Variants in BAZ1A observed in about 807,000 individuals in gnomAD.
BAZ1A encodes the protein bromodomain adjacent to zinc finger domain protein 1A.
BAZ1A carries 50 observed loss-of-function variants against 185.2 expected under a neutral mutation model. The observed-to-expected ratio is 0.27, with a 90% CI of 0.22 to 0.34. The LOEUF (loss-of-function observed/expected upper bound fraction) is 0.34. Ranked by LOEUF, BAZ1A falls within the 10% of genes least tolerant of loss-of-function variation. BAZ1A has a pLI of 1.00. For missense variants in BAZ1A, 1,356 were observed against 1,839.9 expected, an observed-to-expected ratio of 0.74 and a Z score of 4.81; for synonymous variants, 571 against 615.6, an observed-to-expected ratio of 0.93 and a Z score of 1.07.
chr14:34,798,493 G>T (rs1056774728), intron 9 of BAZ1A, among the ~76,000 whole-genome samples: 4 of 152,228 alleles, frequency 2.6e-5, no homozygotes, highest in Non-Finnish European at 5.9e-5. Flanking sequence ...GGATAAGGCA[G>T]CAATATGTGC....
At chr14:34,771,728 T>C in intron 20 of BAZ1A, 69 bp from the exon 21 acceptor site, 2 of 1,424,900 alleles carry the variant, frequency 1.4e-6, no homozygotes, top group Non-Finnish European at 1.9e-6. Context: ...AGTCCATTCA[T>C]TGGTTCAAAT....
intron 3 of BAZ1A, among the ~76,000 whole-genome samples, chr14:34,847,815 T>C (rs1483997649): frequency 6.6e-6 from 1 of 152,198 alleles, no homozygotes; most frequent in Non-Finnish European, 1.5e-5. Flanking sequence ...TTAATTCTAA[T>C]ATACCCTGAG....
chr14:34,803,927 T>A (rs1881714398), intron 6 of BAZ1A, among the ~76,000 whole-genome samples: 1 of 152,234 alleles, frequency 6.6e-6, no homozygotes. Context: ...GGTTCTAGAA[T>A]AATTATTAAA....
intron 14 of BAZ1A, among the ~76,000 whole-genome samples, chr14:34,784,357 G>A (rs1393181152): frequency 9.0e-5 from 7 of 78,084 alleles, no homozygotes; most frequent in African/African-American, 1.8e-4. Flanking sequence ...AACTGAGTGA[G>A]ACTCTGTCTC....
At chr14:34,813,274 C>T (rs1284011629) in intron 4 of BAZ1A, among the ~76,000 whole-genome samples, 1 of 152,182 alleles carries the variant, frequency 6.6e-6, no homozygotes, top group Admixed American at 6.5e-5. Flanking sequence ...TGTGTGTGGT[C>T]CCAGCTACTT....
intron 4 of BAZ1A, among the ~76,000 whole-genome samples, chr14:34,814,923 G>A (rs1290232515): frequency 1.3e-5 from 2 of 151,702 alleles, no homozygotes; most frequent in African/African-American, 4.8e-5. Flanking sequence ...ACAGGTGCCC[G>A]CCACCACACC....
intron 3 of BAZ1A, chr14:34,845,263 T>C (rs1295516997): frequency 7.1e-6 from 1 of 141,086 alleles, no homozygotes; most frequent in East Asian, 2.0e-4. Flanking sequence ...CTCTTAATTC[T>C]TCAACTTTTT....
chr14:34,764,885 G>A lies in BAZ1A; in HGVS notation c.3598C>T (p.Arg1200Cys), dbSNP rs1469155751. ...WFCPECRPKQ[R>C]SRRLSSRQRP... is the part of the protein sequence containing the mutation. ...TGTCTAGAGGAGAGTCTTCTAGAACGTTGCTTTGGTCGACATTCTGGACAA... is the reference window on the plus strand; with the variant it reads ...TGTCTAGAGGAGAGTCTTCTAGAACATTGCTTTGGTCGACATTCTGGACAA... The change falls in exon 23 of 27, where the codon CGT becomes TGT. Residue 1200 changes from arginine to cysteine, a missense_variant. Transcript: ENST00000360310. 8 of 1,614,058 alleles carry A rather than the reference G, an allele frequency of 5.0e-6. No homozygotes were observed. The highest frequency in any genetic ancestry group is 5.9e-6 in the Non-Finnish European group (7 of 1,180,018).
chr14:34,764,478 G>T (rs1179561823), intron 23 of BAZ1A, among the ~76,000 whole-genome samples: 2 of 151,786 alleles, frequency 1.3e-5, no homozygotes, highest in Admixed American at 1.3e-4. Flanking sequence ...TTTTAGTAGA[G>T]ACGGGGTTTC....
chr14:34,860,703 T>A (rs895203094), intron 3 of BAZ1A, among the ~76,000 whole-genome samples: 6 of 151,756 alleles, frequency 4.0e-5, no homozygotes, highest in Non-Finnish European at 2.9e-5. Flanking sequence ...GGACAGGAGT[T>A]CAAGACCAGC....
At chr14:34,832,215 C>CACACACACACATAT in intron 3 of BAZ1A, among the ~76,000 whole-genome samples, 7 of 89,668 alleles carry the variant, frequency 7.8e-5, no homozygotes, top group African/African-American at 2.6e-4. Context: ...CACACACACA[C>CACACACACACATAT]ATATATATAT....
At position 34,874,325 on chromosome 14, in the gene BAZ1A, T is replaced by G; in HGVS notation, c.113+167A>C. 1.7e-6 allele frequency: 1 copy of G among 603,516 alleles called. No homozygotes were observed. The highest frequency in any genetic ancestry group is 2.8e-6 in the Non-Finnish European group (1 of 354,148). The allele number at this position is 603,516 out of a possible 1,614,324, so 37.4% of individuals were successfully genotyped here. ...CGCCGCCGCCAGTTGGCCCCGCGCG[T>G]TCTCCAGGTGGAGGCCAGGAGGCAG... is the stretch of plus-strand genomic sequence containing the variant. On this transcript the variant is annotated intron_variant, in intron 2 of 26. Transcript: ENST00000360310. The surrounding 1 kb of genome is among the most constrained non-coding windows in gnomAD (Gnocchi z 4.7).
At chr14:34,832,215 C>CATATATATAT (rs796421959) in intron 3 of BAZ1A, among the ~76,000 whole-genome samples, 41 of 89,610 alleles carry the variant, frequency 4.6e-4, no homozygotes, top group East Asian at 1.2e-3. Context: ...CACACACACA[C>CATATATATAT]ATATATATAT....
At chr14:34,800,793 C>T (rs540753226) in intron 8 of BAZ1A, among the ~76,000 whole-genome samples, 3 of 152,264 alleles carry the variant, frequency 2.0e-5, no homozygotes, top group South Asian at 2.1e-4. Flanking sequence ...TTTTAAAAGG[C>T]TGTGTGAATC....
intron 3 of BAZ1A, among the ~76,000 whole-genome samples, chr14:34,831,507 A>G (rs1272126652): frequency 6.6e-6 from 1 of 152,212 alleles, no homozygotes; most frequent in Non-Finnish European, 1.5e-5. Context: ...TACTAGAGGC[A>G]ATTAGTTCTT....
At chr14:34,873,445 G>A (rs1399128854) in intron 2 of BAZ1A, among the ~76,000 whole-genome samples, 2 of 152,182 alleles carry the variant, frequency 1.3e-5, no homozygotes, top group Non-Finnish European at 2.9e-5. Flanking sequence ...CGTGTCACAG[G>A]ACTAGATCTC....
chr14:34,793,788 C>G (rs1237726284), intron 11 of BAZ1A, among the ~76,000 whole-genome samples: 1 of 152,056 alleles, frequency 6.6e-6, no homozygotes, highest in Non-Finnish European at 1.5e-5. Flanking sequence ...ACTAAAAATA[C>G]AAAAATTAGC....
At chr14:34,843,482 T>A (rs1271305668) in intron 3 of BAZ1A, among the ~76,000 whole-genome samples, 1 of 151,970 alleles carries the variant, frequency 6.6e-6, no homozygotes, top group Admixed American at 6.6e-5. Context: ...TACCTCAGTC[T>A]GAGGCCCCAG....
At position 34,759,359 on chromosome 14, in the gene BAZ1A, A is replaced by G. The variant is rs1886426056; in HGVS notation, c.4244-513T>C. Among the ~76,000 whole-genome samples the G allele has an allele frequency of 5.3e-5, 8 of 151,528 alleles. 1 individual carries two copies. In the South Asian group the frequency reaches 1.7e-3, roughly 32 times the overall value. ...CGGCGCCCGGCTAATTTTGTTTTGT[A>G]TTTTTAGTAGAGACAGGGTTTCACC... is the stretch of plus-strand genomic sequence containing the variant. On this transcript the variant is annotated intron_variant, in intron 24 of 26. Transcript: ENST00000360310.
Sources: gnomAD v4.1 joint callset for allele counts (sites outside exome capture counted in the v4.1 genomes callset) on GRCh38, gnomAD v4.1.1 for gene constraint, Gnocchi (gnomAD v3.1) non-coding constraint, MANE v1.5 for transcripts, NCBI Gene and HGNC (gene_info 2026-07-23, HGNC 2026-07-21) for gene names.